The following POLN variants were observed in gnomAD, a reference collection of about 807,000 sequenced individuals.
The protein encoded by POLN is DNA polymerase N.
In POLN, 108 loss-of-function variants were observed where a neutral mutation model predicts 113.5. That is an observed-to-expected ratio of 0.95 (90% CI 0.81 to 1.12). The LOEUF (loss-of-function observed/expected upper bound fraction) is 1.12. Ranked by LOEUF, POLN falls within the 50% of genes most tolerant of loss-of-function variation. The pLI is 0.00. For synonymous variants in POLN, 386 were observed against 391.5 expected (o/e 0.99, Z 0.17); for missense variants, 1,097 against 1,077.1 (o/e 1.02, Z -0.26).
chr4:2,109,454 T>C (rs908558005), intron 19 of POLN, among the ~76,000 whole-genome samples: 3 of 152,230 alleles, frequency 2.0e-5, no homozygotes, highest in African/African-American at 7.2e-5. Flanking sequence ...ATTCCCCTTC[T>C]GAGAAAAGCA....
intron 13 of POLN, among the ~76,000 whole-genome samples, chr4:2,162,298 G>A (rs577209163): frequency 4.0e-5 from 6 of 151,048 alleles, no homozygotes; most frequent in South Asian, 2.1e-4. Context: ...CAGACGCGCC[G>A]CCTTAAGAGC....
intron 5 of POLN, among the ~76,000 whole-genome samples, chr4:2,204,259 T>C (rs1056541563): frequency 1.3e-5 from 2 of 150,944 alleles, no homozygotes; most frequent in Admixed American, 6.6e-5. Context: ...AAATGGGAGA[T>C]ATAACAACTG....
intron 13 of POLN, among the ~76,000 whole-genome samples, chr4:2,166,694 C>A (rs1346111888): frequency 6.6e-6 from 1 of 152,132 alleles, no homozygotes; most frequent in Non-Finnish European, 1.5e-5. Context: ...CACCCTTCTC[C>A]TACCTTTGGA....
At chr4:2,176,639 A>C (rs1043505133) in intron 8 of POLN, among the ~76,000 whole-genome samples, 1 of 152,166 alleles carries the variant, frequency 6.6e-6, no homozygotes, top group African/African-American at 2.4e-5. Context: ...TCTCAGGTAC[A>C]ATGATTAAAT....
chr4:2,221,736 C>T (rs550411994), intron 3 of POLN, among the ~76,000 whole-genome samples: 15 of 152,192 alleles, frequency 9.9e-5, no homozygotes, highest in East Asian at 3.9e-4. Flanking sequence ...CCACCATGCT[C>T]GGCTAATATT....
chr4:2,073,745 G>A (rs1185000399), intron 24 of POLN, among the ~76,000 whole-genome samples: 1 of 152,242 alleles, frequency 6.6e-6, no homozygotes, highest in Non-Finnish European at 1.5e-5. Context: ...CAAAGATGGC[G>A]GCAGGAGCCC....
intron 23 of POLN, among the ~76,000 whole-genome samples, chr4:2,077,299 A>C (rs930817585): frequency 2.0e-5 from 3 of 152,206 alleles, no homozygotes; most frequent in Non-Finnish European, 2.9e-5. Context: ...GATGGGAGAA[A>C]AGTCTGCCTT....
intron 19 of POLN, among the ~76,000 whole-genome samples, chr4:2,103,783 G>A (rs1338209846): frequency 6.6e-6 from 1 of 152,176 alleles, no homozygotes; most frequent in Non-Finnish European, 1.5e-5. Flanking sequence ...TTACAAGCCA[G>A]AAGAGAATGG....
At chr4:2,144,886 C>T (rs932501898) in intron 16 of POLN, among the ~76,000 whole-genome samples, 3 of 152,016 alleles carry the variant, frequency 2.0e-5, no homozygotes, top group East Asian at 1.9e-4. Flanking sequence ...GTTAGGTAGT[C>T]GACACTCTGG....
intron 2 of POLN, chr4:2,238,851 C>G: frequency 6.2e-7 from 1 of 1,613,214 alleles, no homozygotes; most frequent in Non-Finnish European, 8.5e-7. Flanking sequence ...TCTTGTCTTG[C>G]TGTATAATAA....
intron 19 of POLN, among the ~76,000 whole-genome samples, chr4:2,117,229 C>T (rs1283813373): frequency 6.6e-6 from 1 of 152,188 alleles, no homozygotes; most frequent in African/African-American, 2.4e-5. Context: ...CAGTGATACA[C>T]GTCATTTCCA....
At chr4:2,140,653 C>T (rs962095840) in intron 16 of POLN, among the ~76,000 whole-genome samples, 2 of 151,978 alleles carry the variant, frequency 1.3e-5, no homozygotes, top group Middle Eastern at 3.4e-3. Context: ...GAGGCTGAGG[C>T]ATGAGCATTG....
At chr4:2,181,489 A>G (rs549473837) in intron 7 of POLN, among the ~76,000 whole-genome samples, 3 of 145,822 alleles carry the variant, frequency 2.1e-5, no homozygotes, top group Non-Finnish European at 4.4e-5. Flanking sequence ...AATCAAGTCC[A>G]ACAGAACTTA....
chr4:2,218,625 G>A (rs762315465), intron 3 of POLN, among the ~76,000 whole-genome samples: 6 of 152,114 alleles, frequency 3.9e-5, no homozygotes, highest in Non-Finnish European at 7.3e-5. Flanking sequence ...ATGCTGATTG[G>A]CATGATGTCA....
chr4:2,156,556 G>T lies in POLN; in HGVS notation c.1731+232C>A, dbSNP rs1410403264. On this transcript the variant is annotated intron_variant, in intron 16 of 25. Coordinates refer to ENST00000511885, the MANE Select transcript of POLN (RefSeq NM_181808.4). ...TTTTGCCTGCACACTGGAGTGCATG[G>T]GTTTCTGGGTGTGAAGCCCCCCTCT... 4 of 627,402 alleles carry T rather than the reference G, an allele frequency of 6.4e-6. No homozygotes were observed. The East Asian group carries it at 1.2e-4, about 19-fold the overall frequency. 38.9% of individuals were successfully genotyped at this position (627,402 alleles called of 1,614,324 possible). A position where few individuals can be genotyped will look rare whatever the true frequency, so the allele number is the denominator to read the frequency against.
intron 5 of POLN, among the ~76,000 whole-genome samples, chr4:2,204,912 A>C (rs577937241): frequency 1.8e-4 from 27 of 152,338 alleles, no homozygotes; most frequent in Non-Finnish European, 2.9e-4. Flanking sequence ...TAAAACTCTC[A>C]GCACAATTGG....
At position 2,126,709 on chromosome 4, in the gene POLN, C is replaced by A. The variant is rs1197238024; in HGVS notation, c.1982+1404G>T. Among the ~76,000 whole-genome samples the A allele has an allele frequency of 6.6e-6, 1 of 151,982 alleles. No homozygotes were observed. Among genetic ancestry groups the A allele is most frequent in the Non-Finnish European group, 1.5e-5 (1 of 67,990 alleles). On this transcript the variant is annotated intron_variant, in intron 19 of 25. Transcript: ENST00000511885. This position sits in a 1 kb window ranked among gnomAD's most constrained non-coding sequence, Gnocchi z 4.6. ...GGGCCCTGAGGAGACGCCGGGAGGG[C>A]CCACTTGGATGAGGTAGGGGAGGGA...
intron 13 of POLN, 46 bp downstream of exon 13, chr4:2,170,633 A>C (rs1353173163): frequency 2.0e-6 from 3 of 1,524,414 alleles, no homozygotes; most frequent in Non-Finnish European, 2.7e-6. Flanking sequence ...TGTGGTGCAG[A>C]CATGCTGTCA....
chr4:2,239,684 G>A (rs1434863526), intron 2 of POLN, among the ~76,000 whole-genome samples: 3 of 152,146 alleles, frequency 2.0e-5, no homozygotes, highest in African/African-American at 7.2e-5. Flanking sequence ...AGCAAACGAG[G>A]CAGAATACCC....
Sources: gnomAD v4.1 joint callset for allele counts (sites outside exome capture counted in the v4.1 genomes callset) on GRCh38, gnomAD v4.1.1 for gene constraint, Gnocchi (gnomAD v3.1) non-coding constraint, MANE v1.5 for transcripts, NCBI Gene and HGNC (gene_info 2026-07-23, HGNC 2026-07-21) for gene names.